Variants in JAKMIP3 observed in about 807,000 individuals in gnomAD.
JAKMIP3 encodes Janus kinase and microtubule interacting protein 3, also known as janus kinase and microtubule-interacting protein 3.
In JAKMIP3, 58 loss-of-function variants were observed where a neutral mutation model predicts 118.5. That is an observed-to-expected ratio of 0.49 (90% confidence interval 0.40 to 0.61). JAKMIP3 has a LOEUF of 0.61. Ranked by LOEUF, JAKMIP3 falls within the 20% of genes least tolerant of loss-of-function variation. JAKMIP3 has a pLI of 0.00. For missense variants in JAKMIP3, 950 were observed against 1,109.0 expected (o/e 0.86, Z 2.04); for synonymous variants, 486 against 451.2 (o/e 1.08, Z -0.98).
At chr10:132,155,995 C>T (rs1253935498) in intron 19 of JAKMIP3, among the ~76,000 whole-genome samples, 2 of 152,186 alleles carry the variant, frequency 1.3e-5, no homozygotes, top group East Asian at 3.9e-4. Context: ...CCAGGCAGTC[C>T]TCTGGGCCTT....
At chr10:132,156,478 C>G (rs562306495) in intron 19 of JAKMIP3, among the ~76,000 whole-genome samples, 1 of 152,172 alleles carries the variant, frequency 6.6e-6, no homozygotes, top group South Asian at 2.1e-4. Context: ...CACAGCAGGC[C>G]GGGAGACAGA....
At chr10:132,113,877 C>T (rs1431354895) in intron 2 of JAKMIP3, among the ~76,000 whole-genome samples, 1 of 152,236 alleles carries the variant, frequency 6.6e-6, no homozygotes, top group African/African-American at 2.4e-5. Context: ...TACAATAAAT[C>T]CATGGCCACG....
chr10:132,087,093 G>T (rs888310478), intron 1 of JAKMIP3, among the ~76,000 whole-genome samples: 4 of 152,158 alleles, frequency 2.6e-5, no homozygotes, highest in African/African-American at 4.8e-5. Context: ...GTCTGGAAAA[G>T]ACTGTATGTT....
At chr10:132,092,765 A>G (rs770986498) in intron 1 of JAKMIP3, among the ~76,000 whole-genome samples, 2 of 152,070 alleles carry the variant, frequency 1.3e-5, no homozygotes, top group Non-Finnish European at 2.9e-5. Flanking sequence ...ACTTCTGTCA[A>G]CTCATCAAAG....
intron 23 of JAKMIP3, among the ~76,000 whole-genome samples, chr10:132,180,626 C>CGT (rs1195454959): frequency 0.015 from 351 of 23,346 alleles, 105 homozygotes; most frequent in African/African-American, 0.1. Context: ...CGTGTGTGTG[C>CGT]GTGTGTGCGT....
At chr10:132,043,596 C>T (rs1447428639) in intron 1 of JAKMIP3, among the ~76,000 whole-genome samples, 2 of 152,182 alleles carry the variant, frequency 1.3e-5, no homozygotes, top group Non-Finnish European at 2.9e-5. Flanking sequence ...TCCAGCAAAG[C>T]ATTTCTCTGA....
chr10:132,180,564 T>TGTGTGC (rs2060759424), intron 23 of JAKMIP3, among the ~76,000 whole-genome samples: 1 of 50,770 alleles, frequency 2.0e-5, no homozygotes, highest in South Asian at 7.9e-4. Flanking sequence ...CATGCGTGTG[T>TGTGTGC]GTGCGTGTGT....
intron 14 of JAKMIP3, among the ~76,000 whole-genome samples, chr10:132,148,473 CGTCCT>C (rs2055125058): frequency 6.2e-5 from 6 of 96,150 alleles, no homozygotes; most frequent in Admixed American, 4.4e-4. Flanking sequence ...TCCATCCGCC[CGTCCT>C]CCATCCACCC....
At chr10:132,147,402 C>A (rs1383299597) in intron 13 of JAKMIP3, among the ~76,000 whole-genome samples, 1 of 152,198 alleles carries the variant, frequency 6.6e-6, no homozygotes, top group Non-Finnish European at 1.5e-5. Flanking sequence ...ACTCCTGCAT[C>A]CGGTTTACTC....
intron 1 of JAKMIP3, among the ~76,000 whole-genome samples, chr10:132,097,943 C>CTTCCCA (rs2044200690): frequency 2.9e-5 from 1 of 34,770 alleles, no homozygotes; most frequent in African/African-American, 8.0e-5. Flanking sequence ...TCCCCTTTCC[C>CTTCCCA]TTTCCCATCC....
chr10:132,093,931 A>ATT lies in JAKMIP3; in HGVS notation c.-137-10721_-137-10720dup, dbSNP rs35838926. ...ATTTCTCCCTTCATTTCTTGTATCT[A>ATT]TTTTTTTTTTTTTTTTTTTTTGAGA... On this transcript the variant is annotated intron_variant, in intron 1 of 23. Coordinates refer to ENST00000684848, the MANE Select transcript of JAKMIP3 (RefSeq NM_001323087.2). 2.0e-3 allele frequency among the ~76,000 whole-genome samples: 203 copies of ATT among 103,600 alleles called. 3 individuals carry two copies. Among genetic ancestry groups the ATT allele is most frequent in the African/African-American group, 3.1e-3 (76 of 24,634 alleles). The allele number at this position is 103,600 out of a possible 152,430, so 68.0% of individuals were successfully genotyped here. A position where few individuals can be genotyped will look rare whatever the true frequency, so the allele number is the denominator to read the frequency against.
At chr10:132,048,837 T>G (rs1012490889) in intron 1 of JAKMIP3, among the ~76,000 whole-genome samples, 6 of 152,020 alleles carry the variant, frequency 3.9e-5, no homozygotes, top group African/African-American at 1.4e-4. Flanking sequence ...AGACAAGGCT[T>G]CACCGTGTTA....
At chr10:132,155,160 C>T (rs1351405748) in intron 19 of JAKMIP3, among the ~76,000 whole-genome samples, 1 of 136,742 alleles carries the variant, frequency 7.3e-6, no homozygotes, top group African/African-American at 2.7e-5. Context: ...ATGATCATGA[C>T]AGTGGTGGTA....
At chr10:132,134,079 G>A (rs1357599476) in intron 4 of JAKMIP3, among the ~76,000 whole-genome samples, 1 of 152,160 alleles carries the variant, frequency 6.6e-6, no homozygotes, top group Non-Finnish European at 1.5e-5. Context: ...GGGGTCTGCC[G>A]ACCACCCCGG....
At chr10:132,065,532 A>C (rs2038654571), upstream of JAKMIP3, among the ~76,000 whole-genome samples, 1 of 152,100 alleles carries the variant, frequency 6.6e-6, no homozygotes, top group Admixed American at 6.5e-5. This position sits in a 1 kb window ranked among gnomAD's most constrained non-coding sequence, Gnocchi z 5.6. Flanking sequence ...AGCAGCCAGG[A>C]AGCCGAGGGG....
intron 19 of JAKMIP3, among the ~76,000 whole-genome samples, chr10:132,160,981 TCCCTGTGTGATGCTGGGGGGGGCC>T: frequency 1.9e-4 from 2 of 10,656 alleles, no homozygotes; most frequent in Admixed American, 1.3e-3. Flanking sequence ...GGTGGGCCTC[TCCCTGTGTGATGCTGGGGGGGGCC>T]TCTCACTGTG....
intron 23 of JAKMIP3, among the ~76,000 whole-genome samples, chr10:132,175,512 G>C (rs534560728): frequency 6.6e-6 from 1 of 152,290 alleles, no homozygotes; most frequent in South Asian, 2.1e-4. Flanking sequence ...CAGAGCCAGC[G>C]TGTCTGGTCC....
chr10:132,168,119 C>T lies in JAKMIP3; in HGVS notation c.*189C>T, dbSNP rs942831248. On this transcript the variant is annotated 3_prime_UTR_variant, in exon 23 of 24. Transcript: ENST00000684848. ...GTGTGGGGCGTGGAGCTGCCGTCCA[C>T]GTGGGATGTGCCAGAACTAGAACTG... The T allele has an allele frequency of 3.2e-5, 41 of 1,288,082 alleles. No individual in the cohort carries two copies. Among genetic ancestry groups the T allele is most frequent in the African/African-American group, 2.7e-4 (18 of 65,766 alleles). The allele number at this position is 1,288,082 out of a possible 1,614,324, so 79.8% of individuals were successfully genotyped here.
chr10:132,065,490 A>T (rs1695503246), upstream of JAKMIP3, among the ~76,000 whole-genome samples: 1 of 151,982 alleles, frequency 6.6e-6, no homozygotes, highest in South Asian at 2.1e-4. The surrounding 1 kb of genome is among the most constrained non-coding windows in gnomAD (Gnocchi z 5.6). Flanking sequence ...TTCTCCAAGC[A>T]GGAGGGAAAG....
Sources: gnomAD v4.1 joint callset for allele counts (sites outside exome capture counted in the v4.1 genomes callset) on GRCh38, gnomAD v4.1.1 for gene constraint, Gnocchi (gnomAD v3.1) non-coding constraint, MANE v1.5 for transcripts, NCBI Gene and HGNC (gene_info 2026-07-23, HGNC 2026-07-21) for gene names.